Variants in KCNC1 observed in about 807,000 individuals in gnomAD.
KCNC1 encodes the protein voltage-gated potassium channel KCNC1.
Under a neutral mutation model 43.4 loss-of-function variants are expected in KCNC1, and 8 were observed. The observed-to-expected ratio is 0.18, with a 90% CI of 0.11 to 0.33. KCNC1 has a LOEUF of 0.33. KCNC1 is among the 10% of genes least tolerant of loss of function. KCNC1 has a pLI of 1.00. For missense variants in KCNC1, 420 were observed against 836.0 expected (o/e 0.50, Z 6.14); for synonymous variants, 361 against 360.5 (o/e 1.00, Z -0.01).
intron 1 of KCNC1, among the ~76,000 whole-genome samples, chr11:17,758,785 T>TAGA (rs1849046979): frequency 6.6e-6 from 1 of 152,228 alleles, no homozygotes; most frequent in Non-Finnish European, 1.5e-5. Flanking sequence ...ATGCTATAAA[T>TAGA]AGATGTGCTA....
At chr11:17,738,900 G>A (rs1318946460) in intron 1 of KCNC1, among the ~76,000 whole-genome samples, 1 of 152,214 alleles carries the variant, frequency 6.6e-6, no homozygotes, top group East Asian at 1.9e-4. Flanking sequence ...CTCAAAGGAA[G>A]GTTGTTGTCC....
Position 17,776,113 on chromosome 11 carries a change from G to C in KCNC1, c.1505-3343G>C, listed in dbSNP as rs1849284021. ...TCTTTGTTGTCCTCAGGTGGGCTGT[G>C]GGGGAAGTAGCGGAGAAATGAAGTG... On this transcript the variant is annotated intron_variant, in intron 2 of 3. Transcript: ENST00000265969. The surrounding 1 kb of genome is among the most constrained non-coding windows in gnomAD (Gnocchi z 4.4). The C allele has an allele frequency of 3.0e-6, 3 of 985,386 alleles. No homozygotes were observed. Among genetic ancestry groups the C allele is most frequent in the Admixed American group, 6.1e-5 (1 of 16,274 alleles). The allele number at this position is 985,386 out of a possible 1,614,324, so 61.0% of individuals were successfully genotyped here.
intron 1 of KCNC1, among the ~76,000 whole-genome samples, chr11:17,752,889 C>T (rs1156300830): frequency 6.6e-6 from 1 of 152,098 alleles, no homozygotes; most frequent in Non-Finnish European, 1.5e-5. Context: ...TGTTGAGTAC[C>T]TACTGTGTGC....
intron 1 of KCNC1, among the ~76,000 whole-genome samples, chr11:17,761,434 C>G (rs867381819): frequency 2.6e-5 from 4 of 152,236 alleles, no homozygotes; most frequent in Middle Eastern, 3.2e-3. Flanking sequence ...TGCAAGGGAG[C>G]CAGCAGTCTT....
chr11:17,751,323 A>G (rs1848966607), intron 1 of KCNC1, among the ~76,000 whole-genome samples: 1 of 152,238 alleles, frequency 6.6e-6, no homozygotes, highest in South Asian at 2.1e-4. Context: ...ATGTGGATGG[A>G]TACAAGTGAA....
At chr11:17,741,171 G>A (rs975080949) in intron 1 of KCNC1, among the ~76,000 whole-genome samples, 1 of 151,838 alleles carries the variant, frequency 6.6e-6, no homozygotes, top group African/African-American at 2.4e-5. Context: ...TGCTTCCCAT[G>A]ATCCTTGTAT....
rs111163938 is a variant in KCNC1 at position 17,763,953 on chromosome 11, A to C, written c.571-7712A>C. 1.1e-3 allele frequency among the ~76,000 whole-genome samples: 104 copies of C among 96,008 alleles called. 1 individual carries two copies. The highest frequency in any genetic ancestry group is 3.2e-3 in the African/African-American group (71 of 22,184). 63.0% of individuals were successfully genotyped at this position (96,008 alleles called of 152,430 possible). A position where few individuals can be genotyped will look rare whatever the true frequency, so the allele number is the denominator to read the frequency against. ...TACACGCCCACACACACACACACCC[A>C]CACACAGCAGCCCACACATGCACAT... On this transcript the variant is annotated intron_variant, in intron 1 of 3. Transcript: ENST00000265969.
At chr11:17,757,566 TCA>T (rs1849035795) in intron 1 of KCNC1, among the ~76,000 whole-genome samples, 1 of 152,198 alleles carries the variant, frequency 6.6e-6, no homozygotes, top group Admixed American at 6.5e-5. Flanking sequence ...TGTCTCAGGG[TCA>T]CTGCAGATGA....
chr11:17,751,322 G>T (rs903189182), intron 1 of KCNC1, among the ~76,000 whole-genome samples: 35 of 152,350 alleles, frequency 2.3e-4, no homozygotes, highest in African/African-American at 8.4e-4. Context: ...TATGTGGATG[G>T]ATACAAGTGA....
rs561554464 is a variant in KCNC1, at chr11:17,742,243, T to G, written c.570+5671T>G. 6.6e-6 allele frequency among the ~76,000 whole-genome samples: 1 copy of G among 152,132 alleles called. No homozygotes were observed. Among genetic ancestry groups the G allele is most frequent in the African/African-American group, 2.4e-5 (1 of 41,458 alleles). On this transcript the variant is annotated intron_variant, in intron 1 of 3. Coordinates refer to ENST00000265969, the MANE Select transcript of KCNC1 (RefSeq NM_001112741.2). The surrounding 1 kb of genome is among the most constrained non-coding windows in gnomAD (Gnocchi z 4.2). ...GCATTTGGAGTCTGTGCTCCTTGAC[T>G]CTGAGCAGGAGGCCTGGCCTCTGCC...
In KCNC1 at chr11:17,771,438, G is replaced by A. The variant is rs778007756; in HGVS notation, c.571-227G>A. Reference sequence around the variant, plus strand: ...GTTATTGGGGCTTCCACATCTAGCTGGCAATAGGGGGAAGAAGACAGCATG... The same window carrying A: ...GTTATTGGGGCTTCCACATCTAGCTAGCAATAGGGGGAAGAAGACAGCATG... On this transcript the variant is annotated intron_variant, in intron 1 of 3. Transcript: ENST00000265969. This position sits in a 1 kb window ranked among gnomAD's most constrained non-coding sequence, Gnocchi z 4.7. 9.8e-5 allele frequency among the ~76,000 whole-genome samples: 15 copies of A among 152,332 alleles called. No individual in the cohort carries two copies. Among genetic ancestry groups the A allele is most frequent in the Non-Finnish European group, 1.8e-4 (12 of 68,042 alleles).
At position 17,739,043 on chromosome 11, in the gene KCNC1, C is replaced by G. The variant is rs1848803154; in HGVS notation, c.570+2471C>G. 6.6e-6 allele frequency among the ~76,000 whole-genome samples: 1 copy of G among 152,232 alleles called. No individual in the cohort carries two copies. The highest frequency in any genetic ancestry group is 1.5e-5 in the Non-Finnish European group (1 of 68,040). ...GCTTCCTGCCGCCCGCCCGGCTGGC[C>G]TAGCTGCACTGCGCTGCCTCTCTGC... On this transcript the variant is annotated intron_variant, in intron 1 of 3. Coordinates refer to ENST00000265969, the MANE Select transcript of KCNC1 (RefSeq NM_001112741.2). This position sits in a 1 kb window ranked among gnomAD's most constrained non-coding sequence, Gnocchi z 4.2.
Position 17,779,779 on chromosome 11 carries a change from C to T in KCNC1, c.1693+135C>T. 2.8e-6 allele frequency: 2 copies of T among 709,734 alleles called. No homozygotes were observed. The allele number at this position is 709,734 out of a possible 1,614,324, so 44.0% of individuals were successfully genotyped here. A position where few individuals can be genotyped will look rare whatever the true frequency, so the allele number is the denominator to read the frequency against. On this transcript the variant is annotated intron_variant, in intron 3 of 3. Transcript: ENST00000265969. This position sits in a 1 kb window ranked among gnomAD's most constrained non-coding sequence, Gnocchi z 7.2. ...AGGGGGGCAAGGATGGAGGGAATCT[C>T]CCAGGGTCGGCCCCTGGAGGGCTGA...
At chr11:17,772,710 C>T in intron 2 of KCNC1, 112 bp downstream of exon 2, 1 of 1,525,742 alleles carries the variant, frequency 6.6e-7, no homozygotes, top group East Asian at 2.3e-5. Context: ...ACCCCGGACC[C>T]CGCACTCAGT....
intron 1 of KCNC1, among the ~76,000 whole-genome samples, chr11:17,751,732 G>A (rs116903798): frequency 0.023 from 3,575 of 152,340 alleles, 62 homozygotes; most frequent in Admixed American, 0.033. Flanking sequence ...GAGTCATGTG[G>A]CCGGCAAGCC....
At chr11:17,760,878 A>T (rs1011070866) in intron 1 of KCNC1, among the ~76,000 whole-genome samples, 6 of 152,236 alleles carry the variant, frequency 3.9e-5, no homozygotes, top group Non-Finnish European at 8.8e-5. Context: ...TTTAAACGGG[A>T]CAGTGCATGG....
chr11:17,735,214 C>G lies in KCNC1; in HGVS notation c.-789C>G, dbSNP rs1409091906. On this transcript the variant is annotated 5_prime_UTR_variant, in exon 1 of 4. Transcript: ENST00000265969. The surrounding 1 kb of genome is among the most constrained non-coding windows in gnomAD (Gnocchi z 6.7). ...AGAGCAGCGCTCGGCGTTAGCCGCA[C>G]GAGCAACACCCCGGGTGCCCCTGCC... is the stretch of plus-strand genomic sequence containing the variant. The G allele has an allele frequency of 4.6e-5, 7 of 152,104 alleles. No individual in the cohort carries two copies. Among genetic ancestry groups the G allele is most frequent in the Admixed American group, 4.6e-4 (7 of 15,280 alleles). The allele number at this position is 152,104 out of a possible 1,614,324, so 9.4% of individuals were successfully genotyped here.
Position 17,772,276 on chromosome 11 carries a change from C to T in KCNC1, c.1182C>T (p.Ala394=), listed in dbSNP as rs148132957. 1.3e-5 allele frequency: 21 copies of T among 1,614,044 alleles called. No homozygotes were observed. In the African/African-American group the frequency reaches 1.6e-4, roughly 12 times the overall value. Residue 394 remains alanine, a synonymous_variant, in exon 2 of 4, where the codon GCC becomes GCT. Transcript: ENST00000265969. ...ACATCCCCATCGGCTTCTGGTGGGCCGTGGTCACCATGACGACCCTGGGCT... is the reference window on the plus strand; with the variant it reads ...ACATCCCCATCGGCTTCTGGTGGGCTGTGGTCACCATGACGACCCTGGGCT... The part of the protein sequence containing the change: ...FKNIPIGFWW[A]VVTMTTLGYG...
Position 17,773,240 on chromosome 11 carries a change from T to A in KCNC1, c.1504+642T>A, listed in dbSNP as rs2133806169. 3 of 985,792 alleles carry A rather than the reference T, an allele frequency of 3.0e-6. No individual in the cohort carries two copies. Among genetic ancestry groups the A allele is most frequent in the Non-Finnish European group, 3.6e-6 (3 of 830,248 alleles). The allele number at this position is 985,792 out of a possible 1,614,324, so 61.1% of individuals were successfully genotyped here. On this transcript the variant is annotated intron_variant, in intron 2 of 3. Transcript: ENST00000265969. This position sits in a 1 kb window ranked among gnomAD's most constrained non-coding sequence, Gnocchi z 4.1. ...CTCCGTGACAAGCTTACTTACCCCA[T>A]AGCATGCTGAACCAACTCATCTTCT...
Sources: gnomAD v4.1 joint callset for allele counts (sites outside exome capture counted in the v4.1 genomes callset) on GRCh38, gnomAD v4.1.1 for gene constraint, Gnocchi (gnomAD v3.1) non-coding constraint, MANE v1.5 for transcripts, NCBI Gene and HGNC (gene_info 2026-07-23, HGNC 2026-07-21) for gene names.